RSPO2: variants seen among roughly 807,000 people sequenced by gnomAD.
RSPO2 encodes the protein R-spondin-2.
A neutral mutation model predicts 30.9 loss-of-function variants in RSPO2; 14 were observed. The ratio of observed to expected loss-of-function variants is 0.45; its 90% CI spans 0.30 to 0.71. The LOEUF is 0.71. RSPO2 is among the 30% of genes least tolerant of loss of function. RSPO2 has a pLI of 0.08. For synonymous variants in RSPO2, 107 were observed against 96.4 expected, an observed-to-expected ratio of 1.11 and a Z score of -0.64; for missense variants, 264 against 301.9, an observed-to-expected ratio of 0.87 and a Z score of 0.93.
At chr8:107,950,506 A>AT (rs1175925187) in intron 5 of RSPO2, among the ~76,000 whole-genome samples, 1 of 149,186 alleles carries the variant, frequency 6.7e-6, no homozygotes, top group Non-Finnish European at 1.5e-5. Flanking sequence ...TTTTTTTACC[A>AT]TGTTATCTTA....
intron 5 of RSPO2, among the ~76,000 whole-genome samples, chr8:107,902,949 C>T (rs1016241161): frequency 6.6e-6 from 1 of 151,984 alleles, no homozygotes; most frequent in Non-Finnish European, 1.5e-5. Flanking sequence ...GTAGTTAATC[C>T]TACCCCATGA....
chr8:107,985,312 A>G (rs1363789046), intron 3 of RSPO2, among the ~76,000 whole-genome samples: 2 of 152,188 alleles, frequency 1.3e-5, no homozygotes, highest in Non-Finnish European at 2.9e-5. Context: ...AAACCATGCA[A>G]GTGTGTAAAA....
At chr8:107,932,976 A>G (rs541626570) in intron 5 of RSPO2, among the ~76,000 whole-genome samples, 2 of 152,288 alleles carry the variant, frequency 1.3e-5, no homozygotes, top group East Asian at 3.9e-4. Context: ...GAAGATAGAG[A>G]AATTAGTATG....
At chr8:107,961,088 T>C (rs1448748287) in intron 3 of RSPO2, among the ~76,000 whole-genome samples, 2 of 152,098 alleles carry the variant, frequency 1.3e-5, no homozygotes, top group Admixed American at 6.6e-5. Flanking sequence ...AATCTCCAGA[T>C]GGGATTAAAA....
chr8:108,022,264 A>G (rs900806431), intron 2 of RSPO2, among the ~76,000 whole-genome samples: 3 of 152,080 alleles, frequency 2.0e-5, no homozygotes, highest in Admixed American at 2.0e-4. Flanking sequence ...TCTCTTTTTC[A>G]AATAGCAGAG....
intron 5 of RSPO2, among the ~76,000 whole-genome samples, chr8:107,921,677 C>G (rs1812179809): frequency 6.6e-6 from 1 of 151,470 alleles, no homozygotes; most frequent in Non-Finnish European, 1.5e-5. Context: ...AGCCAATATC[C>G]TTGAGGAACA....
chr8:108,034,277 C>T (rs1811521642), intron 2 of RSPO2, among the ~76,000 whole-genome samples: 1 of 152,036 alleles, frequency 6.6e-6, no homozygotes, highest in Admixed American at 6.6e-5. Context: ...TCCTTTTCCC[C>T]ACCTAAGATT....
chr8:108,017,916 A>G (rs1810945655), intron 2 of RSPO2, among the ~76,000 whole-genome samples: 2 of 152,222 alleles, frequency 1.3e-5, no homozygotes, highest in Admixed American at 1.3e-4. Context: ...ACTTAACATT[A>G]CAATCTTTAA....
intron 4 of RSPO2, among the ~76,000 whole-genome samples, 197 bp downstream of exon 4, chr8:107,960,477 C>G (rs532310676): frequency 6.6e-6 from 1 of 152,188 alleles, no homozygotes; most frequent in Admixed American, 6.5e-5. Flanking sequence ...AAATGCACAA[C>G]TAGCAAATTT....
intron 3 of RSPO2, among the ~76,000 whole-genome samples, chr8:107,975,195 G>A (rs1221078534): frequency 6.6e-6 from 1 of 152,176 alleles, no homozygotes; most frequent in Admixed American, 6.5e-5. Flanking sequence ...TTGTGATCAA[G>A]AGATTCATTT....
intron 5 of RSPO2, among the ~76,000 whole-genome samples, chr8:107,906,951 T>C (rs1811668249): frequency 6.6e-6 from 1 of 151,990 alleles, no homozygotes; most frequent in Admixed American, 6.6e-5. Context: ...AATTTTCAAA[T>C]ATAAGAGTTA....
intron 3 of RSPO2, among the ~76,000 whole-genome samples, chr8:107,982,765 A>G (rs912570017): frequency 6.6e-6 from 1 of 152,154 alleles, no homozygotes; most frequent in African/African-American, 2.4e-5. Flanking sequence ...TGCAACGCTG[A>G]CATTGACCAC....
At chr8:107,936,654 C>G (rs1812732055) in intron 5 of RSPO2, among the ~76,000 whole-genome samples, 1 of 152,110 alleles carries the variant, frequency 6.6e-6, no homozygotes, top group Non-Finnish European at 1.5e-5. Context: ...ACCTTTCTAA[C>G]TAGGGTTAGA....
At chr8:107,976,123 C>T (rs553983177) in intron 3 of RSPO2, among the ~76,000 whole-genome samples, 2 of 152,282 alleles carry the variant, frequency 1.3e-5, no homozygotes, top group South Asian at 4.1e-4. Context: ...GAAACCAGCA[C>T]AAAAGAATGC....
At chr8:107,946,058 G>C (rs936209083) in intron 5 of RSPO2, among the ~76,000 whole-genome samples, 1 of 152,168 alleles carries the variant, frequency 6.6e-6, no homozygotes, top group Non-Finnish European at 1.5e-5. Flanking sequence ...TTTGAGTAGA[G>C]ACAATAAAAA....
chr8:108,058,438 G>C (rs1056538064), intron 2 of RSPO2, among the ~76,000 whole-genome samples: 1 of 152,102 alleles, frequency 6.6e-6, no homozygotes, highest in Non-Finnish European at 1.5e-5. Context: ...GTAATTTATA[G>C]ATTCAATGCT....
At chr8:107,936,087 T>C (rs755472088) in intron 5 of RSPO2, among the ~76,000 whole-genome samples, 4 of 152,184 alleles carry the variant, frequency 2.6e-5, no homozygotes, top group Non-Finnish European at 5.9e-5. Flanking sequence ...AACCAAACTC[T>C]GTACCTCCCT....
chr8:107,987,363 T>C (rs1814682594), intron 3 of RSPO2, among the ~76,000 whole-genome samples: 1 of 152,212 alleles, frequency 6.6e-6, no homozygotes, highest in South Asian at 2.1e-4. Flanking sequence ...GCCTACTCAG[T>C]ACCCTTAGAT....
At chr8:108,010,753 C>A (rs950565119) in intron 2 of RSPO2, among the ~76,000 whole-genome samples, 19 of 152,072 alleles carry the variant, frequency 1.2e-4, no homozygotes, top group Non-Finnish European at 1.9e-4. Flanking sequence ...CCTCCCCTGG[C>A]AAACCTTGAT....
Sources: allele counts gnomAD v4.1 joint callset (sites outside exome capture counted in the v4.1 genomes callset), GRCh38; gene constraint gnomAD v4.1.1; transcripts MANE v1.5; gene names NCBI Gene and HGNC (gene_info 2026-07-23, HGNC 2026-07-21).